The following LDHB variants were observed in gnomAD, a reference collection of about 807,000 sequenced individuals.
LDHB encodes the protein lactate dehydrogenase B.
Under a neutral mutation model 33.4 loss-of-function variants are expected in LDHB, and 18 were observed. That is an observed-to-expected ratio of 0.54 (90% CI 0.37 to 0.80). The LOEUF is 0.80. Ranked by LOEUF, LDHB falls within the 30% of genes least tolerant of loss-of-function variation. The pLI is 0.00. For missense variants in LDHB, 345 were observed against 407.9 expected, an observed-to-expected ratio of 0.85 and a Z score of 1.33; for synonymous variants, 121 against 140.6, an observed-to-expected ratio of 0.86 and a Z score of 0.98.
intron 2 of LDHB, among the ~76,000 whole-genome samples, chr12:21,654,024 T>G (rs1938765970): frequency 6.6e-6 from 1 of 152,158 alleles, no homozygotes; most frequent in Non-Finnish European, 1.5e-5. Flanking sequence ...TGACATCACC[T>G]AGTTCCAATC....
intron 5 of LDHB, 72 bp from the exon 6 acceptor site, chr12:21,638,542 G>C: frequency 5.6e-6 from 6 of 1,064,044 alleles, no homozygotes; most frequent in Middle Eastern, 2.2e-4. Flanking sequence ...TCTTCTTTTA[G>C]TGCAATTTCA....
Position 21,638,471 on chromosome 12 carries a change from C to T in LDHB, c.596-1G>A. The T allele has an allele frequency of 7.0e-7, 1 of 1,419,476 alleles. No individual in the cohort carries two copies. The highest frequency in any genetic ancestry group is 9.4e-7 in the Non-Finnish European group (1 of 1,061,400). 87.9% of individuals were successfully genotyped at this position (1,419,476 alleles called of 1,614,324 possible). A position where few individuals can be genotyped will look rare whatever the true frequency, so the allele number is the denominator to read the frequency against. ...ACATTCACACCACTCCACACAGCCA[C>T]TGTTTAAAAAAAAAAAAAAAGACAT... On this transcript the variant is annotated splice_acceptor_variant, in intron 5 of 7. Coordinates refer to ENST00000350669, the MANE Select transcript of LDHB (RefSeq NM_002300.8). LOFTEE classifies it high-confidence loss of function.
chr12:21,645,564 T>A (rs1329950253), intron 3 of LDHB, among the ~76,000 whole-genome samples: 1 of 152,234 alleles, frequency 6.6e-6, no homozygotes, highest in Non-Finnish European at 1.5e-5. Context: ...TGGGACATGC[T>A]GGCAGCAATA....
At chr12:21,650,556 T>A (rs925606576) in intron 2 of LDHB, among the ~76,000 whole-genome samples, 1 of 152,176 alleles carries the variant, frequency 6.6e-6, no homozygotes, top group Admixed American at 6.5e-5. Flanking sequence ...TTTATGATAA[T>A]CTTGCCTCAA....
At chr12:21,641,831 C>T in intron 5 of LDHB, 121 bp downstream of exon 5, 1 of 792,464 alleles carries the variant, frequency 1.3e-6, no homozygotes, top group Non-Finnish European at 2.0e-6. Context: ...AAAGTAACTA[C>T]TATTTTTGCA....
chr12:21,641,826 AACT>A (rs1938377291), intron 5 of LDHB, 123 bp downstream of exon 5: 5 of 741,858 alleles, frequency 6.7e-6, no homozygotes, highest in East Asian at 5.4e-5. Context: ...ATAGAAAAGT[AACT>A]ACTATTTTTG....
chr12:21,653,683 G>A (rs199573238), intron 2 of LDHB, among the ~76,000 whole-genome samples: 1 of 75,684 alleles, frequency 1.3e-5, no homozygotes, highest in Non-Finnish European at 3.0e-5. Flanking sequence ...TATATGGTGA[G>A]AGAGTATAAA....
At chr12:21,635,885 G>C (rs565727184) in intron 7 of LDHB, among the ~76,000 whole-genome samples, 176 bp from the exon 8 acceptor site, 1 of 152,010 alleles carries the variant, frequency 6.6e-6, no homozygotes, top group South Asian at 2.1e-4. Context: ...TCTCTAAAGG[G>C]GGGAAAAAAG....
Position 21,637,163 on chromosome 12 carries a change from T to G in LDHB, c.745A>C (p.Thr249Pro). ...AYEVIKLKGY[T>P]NWAIGLSVAD... ...ACACTTAATCCAATAGCCCAGTTGG[T>G]ATATCCTTTTAGCTTGATGACTTCA... The change falls in exon 7 of 8, where the codon ACC becomes CCC. Residue 249 changes from threonine (T) to proline (P), a missense_variant. By Grantham distance (38) the Thr-to-Pro change is conservative. Transcript: ENST00000350669. The G allele has an allele frequency of 6.2e-7, 1 of 1,601,998 alleles. No individual in the cohort carries two copies. Among genetic ancestry groups the G allele is most frequent in the Non-Finnish European group, 8.5e-7 (1 of 1,170,020 alleles).
intron 5 of LDHB, among the ~76,000 whole-genome samples, chr12:21,641,434 T>C (rs568173885): frequency 1.3e-5 from 2 of 152,188 alleles, no homozygotes; most frequent in South Asian, 4.1e-4. Flanking sequence ...TTTTCAAAAA[T>C]GTCAAGATCA....
intron 2 of LDHB, among the ~76,000 whole-genome samples, chr12:21,648,349 A>G (rs532839563): frequency 6.6e-6 from 1 of 152,264 alleles, no homozygotes; most frequent in East Asian, 1.9e-4. Context: ...TACAGAAAGG[A>G]CAGTATTCAC....
intron 5 of LDHB, 154 bp from the exon 6 acceptor site, chr12:21,638,624 G>T (rs940440019): frequency 1.6e-6 from 1 of 629,416 alleles, no homozygotes; most frequent in Non-Finnish European, 2.8e-6. Flanking sequence ...TTCCAGTATA[G>T]TTCCCCAAAA....
At chr12:21,637,592 C>T (rs1938252469) in intron 6 of LDHB, among the ~76,000 whole-genome samples, 1 of 151,800 alleles carries the variant, frequency 6.6e-6, no homozygotes, top group Non-Finnish European at 1.5e-5. Flanking sequence ...TGTCACCTAA[C>T]ATAATCAACT....
chr12:21,636,934 G>T, intron 7 of LDHB, 137 bp downstream of exon 7: 1 of 795,000 alleles, frequency 1.3e-6, no homozygotes. Flanking sequence ...TGGAAAATGA[G>T]AATAGTTTAC....
intron 2 of LDHB, among the ~76,000 whole-genome samples, chr12:21,650,491 G>GCATGT (rs1405983349): frequency 6.6e-6 from 1 of 152,194 alleles, no homozygotes; most frequent in African/African-American, 2.4e-5. Flanking sequence ...CATGGCTACA[G>GCATGT]TTGACTGAAG....
At position 21,636,923 on chromosome 12, in the gene LDHB, T is replaced by C. The variant is rs187158632; in HGVS notation, c.837+148A>G. The C allele has an allele frequency of 2.1e-3, 1,536 of 742,064 alleles. 15 individuals are homozygous for C. In the African/African-American group the frequency reaches 0.023, roughly 11 times the overall value. 46.0% of individuals were successfully genotyped at this position (742,064 alleles called of 1,614,324 possible). ...CTGCCCTTGCTGTCCAAGACTTCTG[T>C]TGGAAAATGAGAATAGTTTACATAA... On this transcript the variant is annotated intron_variant, in intron 7 of 7. Coordinates refer to ENST00000350669, the MANE Select transcript of LDHB (RefSeq NM_002300.8).
At chr12:21,656,565 C>T (rs781577712) in intron 1 of LDHB, among the ~76,000 whole-genome samples, 3 of 152,188 alleles carry the variant, frequency 2.0e-5, no homozygotes, top group Non-Finnish European at 4.4e-5. Context: ...AATGAAGAAA[C>T]AGTGGCTATA....
intron 2 of LDHB, among the ~76,000 whole-genome samples, chr12:21,650,599 C>T (rs1938661840): frequency 6.6e-6 from 1 of 152,172 alleles, no homozygotes; most frequent in African/African-American, 2.4e-5. Flanking sequence ...ATGATGAGTT[C>T]GACATTCAGA....
At chr12:21,645,561 T>C (rs961684511) in intron 3 of LDHB, among the ~76,000 whole-genome samples, 7 of 152,234 alleles carry the variant, frequency 4.6e-5, no homozygotes. Flanking sequence ...AGGTGGGACA[T>C]GCTGGCAGCA....
Sources: gnomAD v4.1 joint callset for allele counts (sites outside exome capture counted in the v4.1 genomes callset) on GRCh38, gnomAD v4.1.1 for gene constraint, MANE v1.5 for transcripts, NCBI Gene and HGNC (gene_info 2026-07-23, HGNC 2026-07-21) for gene names.